The following NCAPG variants were observed in gnomAD, a reference collection of about 807,000 sequenced individuals.
NCAPG encodes the protein condensin complex subunit 3.
In NCAPG, 69 loss-of-function variants were observed where a neutral mutation model predicts 113.1. The observed-to-expected ratio is 0.61, with a 90% confidence interval of 0.50 to 0.75. The LOEUF is 0.75. NCAPG is among the 30% of genes least tolerant of loss of function. The probability of loss-of-function intolerance (pLI) is 0.00; values close to 1 mark genes in which losing one functional copy is unlikely to be tolerated. For synonymous variants in NCAPG, 370 were observed against 415.8 expected, an observed-to-expected ratio of 0.89 and a Z score of 1.34; for missense variants, 1,058 against 1,177.0, an observed-to-expected ratio of 0.90 and a Z score of 1.48.
chr4:17,823,740 C>A lies in NCAPG; in HGVS notation c.1353C>A (p.Ile451=). Residue 451 remains isoleucine, a synonymous_variant, in exon 9 of 21, where the codon ATC becomes ATA. Coordinates refer to ENST00000251496, the MANE Select transcript of NCAPG (RefSeq NM_022346.5). ...VSFLVERLLH[I]IIDDNKRTQI... is the part of the protein sequence containing the mutation. The stretch of plus-strand genomic sequence containing the variant: ...TTCTTGTTGAAAGACTACTCCACAT[C>A]ATTATAGATGATAATAAGAGAACAC... 1 of 1,596,768 alleles carries A rather than the reference C, an allele frequency of 6.3e-7. No homozygotes were observed. Among genetic ancestry groups the A allele is most frequent in the Non-Finnish European group, 8.6e-7 (1 of 1,165,452 alleles).
chr4:17,837,147 C>A lies in NCAPG; in HGVS notation c.2110-12C>A. 2 of 1,609,016 alleles carry A rather than the reference C, an allele frequency of 1.2e-6. No homozygotes were observed. The highest frequency in any genetic ancestry group is 2.2e-5 in the East Asian group (1 of 44,728). On this transcript the variant is annotated splice_polypyrimidine_tract_variant and intron_variant, in intron 14 of 20. Coordinates refer to ENST00000251496, the MANE Select transcript of NCAPG (RefSeq NM_022346.5). ...CAAATAAATTTCTTCTAATGAATGT[C>A]ATCTTTGTTAGGTATCTGAACTTAG...
intron 11 of NCAPG, among the ~76,000 whole-genome samples, chr4:17,826,553 C>A (rs533071710): frequency 2.0e-5 from 3 of 152,132 alleles, no homozygotes; most frequent in African/African-American, 7.2e-5. Flanking sequence ...CTGAAAATAT[C>A]ATCTGAAAAA....
chr4:17,826,750 T>G (rs776167967), intron 11 of NCAPG, among the ~76,000 whole-genome samples: 3 of 152,212 alleles, frequency 2.0e-5, no homozygotes, highest in Non-Finnish European at 2.9e-5. Flanking sequence ...ATAGAGGTTT[T>G]ATGGAGAGGT....
chr4:17,818,699 T>C (rs1416340207), intron 7 of NCAPG, among the ~76,000 whole-genome samples: 1 of 152,220 alleles, frequency 6.6e-6, no homozygotes, highest in Non-Finnish European at 1.5e-5. Flanking sequence ...TGGATCTTTG[T>C]GGCCAGTTTT....
chr4:17,818,890 G>A (rs1418680893), intron 7 of NCAPG, among the ~76,000 whole-genome samples: 2 of 151,988 alleles, frequency 1.3e-5, no homozygotes, highest in Non-Finnish European at 2.9e-5. Context: ...CAAATACAGA[G>A]GTATAAGGAA....
chr4:17,834,148 CTG>C (rs1721986920), intron 13 of NCAPG, 149 bp from the exon 14 acceptor site: 6 of 490,756 alleles, frequency 1.2e-5, no homozygotes, highest in Admixed American at 7.9e-5. Context: ...GAAATTTTAA[CTG>C]TATTTTTGAA....
Position 17,839,654 on chromosome 4 carries a change from GA to G in NCAPG, c.2467-20del. ...ATCATAATCATCTTCAATTTACAGA[GA>G]ATTTTCTCTTAATTTTTTAGGCCTT... On this transcript the variant is annotated intron_variant, in intron 16 of 20. Coordinates refer to ENST00000251496, the MANE Select transcript of NCAPG (RefSeq NM_022346.5). 3 of 1,451,858 alleles carry G rather than the reference GA, an allele frequency of 2.1e-6. No individual in the cohort carries two copies. In the South Asian group the frequency reaches 4.5e-5, roughly 22 times the overall value. The allele number at this position is 1,451,858 out of a possible 1,614,324, so 89.9% of individuals were successfully genotyped here. A position where few individuals can be genotyped will look rare whatever the true frequency, so the allele number is the denominator to read the frequency against.
chr4:17,814,718 A>G (rs1318510674), intron 3 of NCAPG, 135 bp from the exon 4 acceptor site: 8 of 992,994 alleles, frequency 8.1e-6, no homozygotes, highest in Non-Finnish European at 1.2e-5. Context: ...AGTGCTGGTT[A>G]TAGGCAGTAG....
chr4:17,827,165 CTT>C (rs1389715974), intron 11 of NCAPG, among the ~76,000 whole-genome samples: 1 of 152,216 alleles, frequency 6.6e-6, no homozygotes, highest in Non-Finnish European at 1.5e-5. Context: ...TGTTTTAAAA[CTT>C]CAGGTCCATG....
intron 7 of NCAPG, among the ~76,000 whole-genome samples, chr4:17,820,580 C>CTGT (rs1479355419): frequency 6.6e-6 from 1 of 151,728 alleles, no homozygotes; most frequent in African/African-American, 2.4e-5. Flanking sequence ...CCAGCCTGGG[C>CTGT]AACAGAGCAA....
Position 17,818,107 on chromosome 4 carries a change from A to G in NCAPG, c.1118+19A>G. 6.3e-7 allele frequency: 1 copy of G among 1,588,992 alleles called. No homozygotes were observed. The highest frequency in any genetic ancestry group is 1.8e-5 in the Admixed American group (1 of 55,394). On this transcript the variant is annotated intron_variant, in intron 7 of 20. Coordinates refer to ENST00000251496, the MANE Select transcript of NCAPG (RefSeq NM_022346.5). The stretch of plus-strand genomic sequence containing the variant: ...TATTGAGGTAAATTTTTTTTCTTTT[A>G]GTTTGGAGAGTGATTGTGTTGCTGC...
chr4:17,827,194 G>A (rs1721686596), intron 11 of NCAPG, among the ~76,000 whole-genome samples: 1 of 152,228 alleles, frequency 6.6e-6, no homozygotes, highest in African/African-American at 2.4e-5. Flanking sequence ...GAGAATTGAT[G>A]GGGAGAAGCA....
At position 17,839,087 on chromosome 4, in the gene NCAPG, C is replaced by T. The variant is rs184535690; in HGVS notation, c.2467-589C>T. ...AACTCTAAGTATGTGTAACAGCAGACTTCAAAGGAGCTGTTGACATAGTTT... is the reference window on the plus strand; with the variant it reads ...AACTCTAAGTATGTGTAACAGCAGATTTCAAAGGAGCTGTTGACATAGTTT... On this transcript the variant is annotated intron_variant, in intron 16 of 20. Transcript: ENST00000251496. 2.3e-3 allele frequency among the ~76,000 whole-genome samples: 345 copies of T among 152,250 alleles called. 1 individual carries two copies. The highest frequency in any genetic ancestry group is 8.1e-3 in the African/African-American group (337 of 41,536).
At chr4:17,842,466 A>T (rs1361170042) in intron 20 of NCAPG, 87 bp downstream of exon 20, 1 of 1,028,914 alleles carries the variant, frequency 9.7e-7, no homozygotes, top group East Asian at 2.5e-5. Context: ...CTTGCGAATG[A>T]GAGAGAATAT....
intron 13 of NCAPG, 119 bp from the exon 14 acceptor site, chr4:17,834,175 TTAGAC>T (rs1205779704): frequency 4.5e-5 from 25 of 555,744 alleles, no homozygotes; most frequent in African/African-American, 9.7e-5. Flanking sequence ...GATGTTTTCT[TTAGAC>T]TAGACACTGT....
intron 5 of NCAPG, among the ~76,000 whole-genome samples, chr4:17,815,646 T>C (rs1412201657): frequency 6.6e-5 from 10 of 152,144 alleles, no homozygotes; most frequent in African/African-American, 2.4e-4. Context: ...TGCCTCAGCC[T>C]CCTGAGCAGC....
At chr4:17,837,598 C>T in intron 15 of NCAPG, 29 bp from the exon 16 acceptor site, 2 of 1,587,634 alleles carry the variant, frequency 1.3e-6, no homozygotes, top group Non-Finnish European at 1.7e-6. Context: ...AATGTTCTGC[C>T]AACATACTTT....
rs761523653 is a variant in NCAPG, at chr4:17,828,267, C to A, written c.1654-11C>A. The A allele has an allele frequency of 1.3e-6, 2 of 1,585,994 alleles. No homozygotes were observed. Among genetic ancestry groups the A allele is most frequent in the African/African-American group, 2.7e-5 (2 of 73,824 alleles). On this transcript the variant is annotated splice_polypyrimidine_tract_variant and intron_variant, in intron 11 of 20. Coordinates refer to ENST00000251496, the MANE Select transcript of NCAPG (RefSeq NM_022346.5). ...ATATTACTAATGCTGAATATTTTGT[C>A]TTCATTTTAGAATGATGCTGAAACA...
At chr4:17,832,316 T>C (rs550357373) in intron 13 of NCAPG, among the ~76,000 whole-genome samples, 2 of 152,186 alleles carry the variant, frequency 1.3e-5, no homozygotes, top group South Asian at 2.1e-4. Flanking sequence ...TGGACGAGGG[T>C]TGTGGTTACT....
Sources: allele counts gnomAD v4.1 joint callset (sites outside exome capture counted in the v4.1 genomes callset), GRCh38; gene constraint gnomAD v4.1.1; transcripts MANE v1.5; gene names NCBI Gene and HGNC (gene_info 2026-07-23, HGNC 2026-07-21).